The following PNPLA1 variants were observed in gnomAD, a reference collection of about 807,000 sequenced individuals.
PNPLA1 encodes the protein patatin like domain 1, omega-hydroxyceramide transacylase, also known as omega-hydroxyceramide transacylase.
A neutral mutation model predicts 51.7 loss-of-function variants in PNPLA1; 36 were observed. The ratio of observed to expected loss-of-function variants is 0.70; its 90% CI spans 0.53 to 0.92. The LOEUF (loss-of-function observed/expected upper bound fraction) is 0.92. PNPLA1 is among the 40% of genes least tolerant of loss of function. The pLI is 0.00. For synonymous variants in PNPLA1, 293 were observed against 280.1 expected (o/e 1.05, Z -0.46); for missense variants, 658 against 682.5 (o/e 0.96, Z 0.40).
chr6:36,281,859 A>G (rs1384102571), intron 1 of PNPLA1, among the ~76,000 whole-genome samples: 1 of 151,744 alleles, frequency 6.6e-6, no homozygotes, highest in Non-Finnish European at 1.5e-5. Flanking sequence ...GTCTCTACTA[A>G]AAATACAAAA....
At position 36,302,417 on chromosome 6, in the gene PNPLA1, A is replaced by T. The variant is rs375215016; in HGVS notation, c.1332A>T (p.Ser444=). ...APQTLPRSSL[S]AFPAQPPVEE... ...AAACACTGCCCCGAAGTTCTCTTTC[A>T]GCCTTCCCTGCTCAGCCACCTGTGG... Residue 444 remains serine, a synonymous_variant, in exon 6 of 9, where the codon TCA becomes TCT. Coordinates refer to ENST00000636260, the MANE Select transcript of PNPLA1 (RefSeq NM_001374623.1). The T allele has an allele frequency of 1.3e-6, 2 of 1,572,616 alleles. No homozygotes were observed. Among genetic ancestry groups the T allele is most frequent in the African/African-American group, 2.7e-5 (2 of 74,116 alleles).
intron 1 of PNPLA1, among the ~76,000 whole-genome samples, chr6:36,256,605 G>A (rs1769539145): frequency 6.6e-6 from 1 of 151,960 alleles, no homozygotes; most frequent in African/African-American, 2.4e-5. Flanking sequence ...GTGCCACCAT[G>A]CCTGGCTAAT....
chr6:36,264,335 A>T (rs1220450982), intron 1 of PNPLA1, among the ~76,000 whole-genome samples: 1 of 152,272 alleles, frequency 6.6e-6, no homozygotes, highest in Non-Finnish European at 1.5e-5. Context: ...CCATGGTCTC[A>T]TAATGGGTCA....
At chr6:36,305,199 T>C (rs938423247) in intron 6 of PNPLA1, among the ~76,000 whole-genome samples, 4 of 152,230 alleles carry the variant, frequency 2.6e-5, no homozygotes, top group Admixed American at 1.3e-4. Flanking sequence ...TTGGATTTTT[T>C]TTCAGCTCAT....
chr6:36,266,371 C>T (rs1182968831), upstream of PNPLA1, among the ~76,000 whole-genome samples: 1 of 152,200 alleles, frequency 6.6e-6, no homozygotes, highest in Non-Finnish European at 1.5e-5. Flanking sequence ...GTGTGTCTGC[C>T]ACGTTTCCCC....
chr6:36,282,909 C>A lies in PNPLA1; in HGVS notation c.206-8411C>A, dbSNP rs1349227550. Reference sequence around the variant, plus strand: ...CATCTTGGCCAGGCTGGTCTTGAACCCCTGACCTCGTGATCTGCCCACCTT... The same window carrying A: ...CATCTTGGCCAGGCTGGTCTTGAACACCTGACCTCGTGATCTGCCCACCTT... On this transcript the variant is annotated intron_variant, in intron 1 of 8. Transcript: ENST00000636260. Among the ~76,000 whole-genome samples, 12 of 152,048 alleles carry A rather than the reference C, an allele frequency of 7.9e-5. 1 individual carries two copies. Among genetic ancestry groups the A allele is most frequent in the Admixed American group, 7.9e-4 (12 of 15,258 alleles).
At chr6:36,266,427 C>A (rs1365205383), upstream of PNPLA1, among the ~76,000 whole-genome samples, 3 of 152,222 alleles carry the variant, frequency 2.0e-5, no homozygotes, top group African/African-American at 7.2e-5. Flanking sequence ...CCATATGCTC[C>A]CAGGACAGTG....
Position 36,313,715 on chromosome 6 carries a change from G to A in PNPLA1, c.*1829G>A, listed in dbSNP as rs759418592. Among the ~76,000 whole-genome samples the A allele has an allele frequency of 4.0e-4, 61 of 152,324 alleles. No individual in the cohort carries two copies. Among genetic ancestry groups the A allele is most frequent in the Admixed American group, 2.0e-4 (3 of 15,304 alleles). On this transcript the variant is annotated 3_prime_UTR_variant, in exon 9 of 9. Transcript: ENST00000636260. ...GGAGACTGACTAGAGAGGCCCGCCC[G>A]GCCGCAGGCCTTTCTTCCAGGAGTG... is the stretch of plus-strand genomic sequence containing the variant.
intron 1 of PNPLA1, among the ~76,000 whole-genome samples, chr6:36,282,084 AGAAAGAAGGAAG>A (rs1291155122): frequency 6.1e-4 from 73 of 120,156 alleles, no homozygotes; most frequent in Non-Finnish European, 8.7e-4. Context: ...AAAGAAAGAA[AGAAAGAAGGAAG>A]GAAGGAAGGA....
In PNPLA1 at chr6:36,291,392, C is replaced by T. The variant is rs878950582; in HGVS notation, c.278C>T (p.Ser93Phe). 2 of 1,614,146 alleles carry T rather than the reference C, an allele frequency of 1.2e-6. No individual in the cohort carries two copies. ...TCCTTCCTGGGGCCCTTGTCCCCGT[C>T]CTGTAAGATGGTGCAGATGATGAGG... Reference protein sequence around the residue: ...KKSFLGPLSPSCKMVQMMRQF... With the variant: ...KKSFLGPLSPFCKMVQMMRQF... The change falls in exon 2 of 9, where the codon TCC becomes TTC. Residue 93 changes from serine (S) to phenylalanine (F), a missense_variant. Physicochemically the swap from Ser to Phe is radical, Grantham distance 155 (BLOSUM62 -2). Coordinates refer to ENST00000636260, the MANE Select transcript of PNPLA1 (RefSeq NM_001374623.1).
chr6:36,309,024 T>A (rs1771327132), intron 8 of PNPLA1, among the ~76,000 whole-genome samples: 1 of 152,186 alleles, frequency 6.6e-6, no homozygotes, highest in Admixed American at 6.5e-5. Flanking sequence ...AAACCTCTAA[T>A]CATTCTGAGC....
intron 5 of PNPLA1, among the ~76,000 whole-genome samples, chr6:36,298,898 C>G (rs1237221837): frequency 6.6e-6 from 1 of 152,178 alleles, no homozygotes; most frequent in Non-Finnish European, 1.5e-5. Flanking sequence ...GCCACCACGT[C>G]CAGCTAATTT....
intron 1 of PNPLA1, among the ~76,000 whole-genome samples, chr6:36,289,215 A>G (rs1315464607): frequency 6.6e-6 from 1 of 152,152 alleles, no homozygotes; most frequent in Non-Finnish European, 1.5e-5. Flanking sequence ...CTTCCCTCCC[A>G]GGGGTGGCTT....
At chr6:36,280,760 A>G (rs754423152) in intron 1 of PNPLA1, among the ~76,000 whole-genome samples, 4 of 151,930 alleles carry the variant, frequency 2.6e-5, no homozygotes, top group South Asian at 2.1e-4. Context: ...TAACTGTTTT[A>G]TATTGTATTT....
At chr6:36,270,024 T>C (rs1769861177), upstream of PNPLA1, among the ~76,000 whole-genome samples, 1 of 152,186 alleles carries the variant, frequency 6.6e-6, no homozygotes, top group Non-Finnish European at 1.5e-5. Flanking sequence ...TGCAACTGAA[T>C]GTTGCAGCTG....
At chr6:36,249,465 A>T (rs1024217708) in intron 1 of PNPLA1, among the ~76,000 whole-genome samples, 1 of 152,232 alleles carries the variant, frequency 6.6e-6, no homozygotes, top group African/African-American at 2.4e-5. Context: ...CTTTTTAAAG[A>T]TGAGTGAACT....
intron 5 of PNPLA1, among the ~76,000 whole-genome samples, chr6:36,300,104 T>C (rs1456015779): frequency 6.6e-6 from 1 of 152,002 alleles, no homozygotes; most frequent in East Asian, 1.9e-4. Context: ...TACATTTTGT[T>C]GTCACGTCTC....
intron 1 of PNPLA1, among the ~76,000 whole-genome samples, chr6:36,249,537 G>A (rs928816550): frequency 2.6e-5 from 4 of 152,228 alleles, no homozygotes; most frequent in Admixed American, 6.5e-5. Context: ...TGGCCTGGGT[G>A]TTGGGACTCG....
chr6:36,268,439 G>A (rs1769813429), upstream of PNPLA1, among the ~76,000 whole-genome samples: 1 of 152,138 alleles, frequency 6.6e-6, no homozygotes, highest in African/African-American at 2.4e-5. Context: ...CCAATGTCAT[G>A]ACTCAGAAGG....
Sources: gnomAD v4.1 joint callset for allele counts (sites outside exome capture counted in the v4.1 genomes callset) on GRCh38, gnomAD v4.1.1 for gene constraint, MANE v1.5 for transcripts, NCBI Gene and HGNC (gene_info 2026-07-23, HGNC 2026-07-21) for gene names.